The following SPICE1 variants were observed in gnomAD, a reference collection of about 807,000 sequenced individuals.
The protein encoded by SPICE1 is spindle and centriole associated protein 1.
In SPICE1, 75 loss-of-function variants were observed where a neutral mutation model predicts 102.7. The observed-to-expected ratio is 0.73, with a 90% confidence interval of 0.61 to 0.88. The LOEUF is 0.88. Among genes scored for constraint, SPICE1 ranks in the 40% least tolerant of loss-of-function variants. SPICE1 has a pLI of 0.00. For missense variants in SPICE1, 979 were observed against 1,020.1 expected, an observed-to-expected ratio of 0.96 and a Z score of 0.55; for synonymous variants, 308 against 350.3, an observed-to-expected ratio of 0.88 and a Z score of 1.35.
chr3:113,479,258 G>A (rs1936436258), intron 7 of SPICE1, among the ~76,000 whole-genome samples: 1 of 150,814 alleles, frequency 6.6e-6, no homozygotes, highest in East Asian at 2.0e-4. Context: ...AGTTTACTGA[G>A]AATGATGATT....
intron 6 of SPICE1, among the ~76,000 whole-genome samples, 161 bp downstream of exon 6, chr3:113,493,045 C>A (rs1936799363): frequency 6.6e-6 from 1 of 152,204 alleles, no homozygotes; most frequent in Admixed American, 6.5e-5. Context: ...TTGTTTGATA[C>A]AAACATTACT....
chr3:113,463,225 G>T (rs952285473), intron 11 of SPICE1, among the ~76,000 whole-genome samples: 3 of 152,256 alleles, frequency 2.0e-5, no homozygotes, highest in Middle Eastern at 6.8e-3. Context: ...TTTCTTCAAA[G>T]TACATATCAC....
intron 3 of SPICE1, among the ~76,000 whole-genome samples, chr3:113,501,688 G>A (rs923036889): frequency 3.3e-5 from 5 of 152,070 alleles, no homozygotes; most frequent in Non-Finnish European, 7.4e-5. Flanking sequence ...TATCAATTAG[G>A]GAAATGCAAA....
intron 1 of SPICE1, among the ~76,000 whole-genome samples, chr3:113,507,936 A>T (rs1233596226): frequency 6.6e-6 from 1 of 152,202 alleles, no homozygotes; most frequent in Non-Finnish European, 1.5e-5. Context: ...AGTACCATTT[A>T]AAAAGATACA....
chr3:113,476,782 A>G (rs1392992569), intron 7 of SPICE1, among the ~76,000 whole-genome samples: 1 of 149,604 alleles, frequency 6.7e-6, no homozygotes, highest in Non-Finnish European at 1.5e-5. Flanking sequence ...ACAAAAATCA[A>G]TTCAAGATGG....
intron 11 of SPICE1, among the ~76,000 whole-genome samples, chr3:113,465,232 T>C (rs541613481): frequency 2.4e-4 from 37 of 152,288 alleles, no homozygotes; most frequent in African/African-American, 8.9e-4. Flanking sequence ...AAGAGGACTT[T>C]ATGTAACAAA....
intron 6 of SPICE1, among the ~76,000 whole-genome samples, chr3:113,490,337 T>C (rs1291452071): frequency 1.3e-5 from 2 of 152,194 alleles, no homozygotes; most frequent in African/African-American, 4.8e-5. Context: ...CATATTCAAC[T>C]GCCTATAAGA....
At position 113,499,485 on chromosome 3, in the gene SPICE1, G is replaced by A. The variant is rs762009083; in HGVS notation, c.245C>T (p.Pro82Leu). Residue 82 changes from proline (P) to leucine (L), a missense_variant, in exon 4 of 18, where the codon CCA (proline) becomes CTA (leucine). Pro to Leu is a moderately conservative substitution (Grantham distance 98). Transcript: ENST00000295872. ...TCTTTTCTCAAGATTTAAAGTTTCT[G>A]GTTTCTGCTTCCTCCATTTTCTCTT... ...ALKRKWRKQK[P>L]ETLNLEKRRL... 10 of 1,613,132 alleles carry A rather than the reference G, an allele frequency of 6.2e-6. No individual in the cohort carries two copies. Among genetic ancestry groups the A allele is most frequent in the Non-Finnish European group, 8.5e-6 (10 of 1,179,700 alleles).
intron 12 of SPICE1, chr3:113,460,353 C>A: frequency 1.1e-6 from 1 of 902,040 alleles, no homozygotes; most frequent in African/African-American, 1.8e-5. Flanking sequence ...CTAAGGATAA[C>A]ACCAATGGGG....
At chr3:113,474,514 C>G (rs1936289987) in intron 7 of SPICE1, among the ~76,000 whole-genome samples, 1 of 152,160 alleles carries the variant, frequency 6.6e-6, no homozygotes, top group Non-Finnish European at 1.5e-5. Context: ...GACACCTATT[C>G]CAAAATTGAC....
In SPICE1 at chr3:113,453,488, T is replaced by G; in HGVS notation, c.2120A>C (p.Glu707Ala). Reference protein sequence around the residue: ...GDGLRELNKQESASDMTSTFP... With the variant: ...GDGLRELNKQASASDMTSTFP... ...CACAGAAGTCATGTCACTTGCACTTTCTTGTTTGTTCAACTCCCGGAGTCC... is the reference window on the plus strand; with the variant it reads ...CACAGAAGTCATGTCACTTGCACTTGCTTGTTTGTTCAACTCCCGGAGTCC... The change falls in exon 14 of 18, where the codon GAA becomes GCA. Residue 707 changes from glutamate (E) to alanine (A), a missense_variant. Glu to Ala is a moderately radical substitution (Grantham distance 107). Coordinates refer to ENST00000295872, the MANE Select transcript of SPICE1 (RefSeq NM_144718.4). The G allele has an allele frequency of 1.2e-6, 2 of 1,609,354 alleles. No homozygotes were observed. The highest frequency in any genetic ancestry group is 1.7e-6 in the Non-Finnish European group (2 of 1,176,668).
chr3:113,471,826 G>C (rs962600660), intron 7 of SPICE1, among the ~76,000 whole-genome samples: 4 of 152,162 alleles, frequency 2.6e-5, no homozygotes, highest in Non-Finnish European at 4.4e-5. Flanking sequence ...TGGCCGAATA[G>C]GAACAGCTCC....
chr3:113,502,368 TA>T (rs1937024897), intron 3 of SPICE1, among the ~76,000 whole-genome samples: 1 of 152,086 alleles, frequency 6.6e-6, no homozygotes, highest in African/African-American at 2.4e-5. Flanking sequence ...AATATTATGC[TA>T]AGACAAAGAA....
intron 6 of SPICE1, among the ~76,000 whole-genome samples, chr3:113,491,203 G>A (rs1936756056): frequency 6.6e-6 from 1 of 152,162 alleles, no homozygotes; most frequent in South Asian, 2.1e-4. Context: ...TGCATGATCT[G>A]AAATATTACA....
rs934687210 is a variant in SPICE1, at chr3:113,502,732, G to T, written c.147+448C>A. ...AAAAGTAGGATTTGAACTAGGATAA[G>T]GAAGTAAGGTAAGATTTGAACGGGT... On this transcript the variant is annotated intron_variant, in intron 3 of 17. Transcript: ENST00000295872. Among the ~76,000 whole-genome samples, 7 of 149,572 alleles carry T rather than the reference G, an allele frequency of 4.7e-5. 1 individual carries two copies. Among genetic ancestry groups the T allele is most frequent in the Non-Finnish European group, 7.4e-5 (5 of 67,646 alleles).
In SPICE1 at chr3:113,467,353, G is replaced by A. The variant is rs1158785354; in HGVS notation, c.1155+786C>T. Among the ~76,000 whole-genome samples the A allele has an allele frequency of 5.3e-5, 8 of 152,146 alleles. No individual in the cohort carries two copies. The South Asian group carries it at 6.2e-4, about 12-fold the overall frequency. On this transcript the variant is annotated intron_variant, in intron 10 of 17. Transcript: ENST00000295872. ...GCCGCCCAGGCTGGAGTGCAGTGGC[G>A]CGATCTCGGCTCACTGCAACCTCCA...
chr3:113,484,231 C>T (rs1193702480), intron 7 of SPICE1, among the ~76,000 whole-genome samples: 2 of 151,890 alleles, frequency 1.3e-5, no homozygotes, highest in South Asian at 2.1e-4. Context: ...TGGTGATATC[C>T]CCTTTATCAT....
At chr3:113,446,552 C>A (rs1182798570) in intron 17 of SPICE1, 37 bp downstream of exon 17, 1 of 1,472,362 alleles carries the variant, frequency 6.8e-7, no homozygotes, top group Non-Finnish European at 9.5e-7. Flanking sequence ...CTACCCTCAC[C>A]CCTATATGCA....
intron 12 of SPICE1, among the ~76,000 whole-genome samples, chr3:113,458,998 A>C (rs1199607455): frequency 1.3e-5 from 2 of 152,116 alleles, no homozygotes; most frequent in African/African-American, 4.8e-5. Context: ...TGGGGAAAAG[A>C]AAGAGAGATC....
Sources: gnomAD v4.1 joint callset for allele counts (sites outside exome capture counted in the v4.1 genomes callset) on GRCh38, gnomAD v4.1.1 for gene constraint, MANE v1.5 for transcripts, NCBI Gene and HGNC (gene_info 2026-07-23, HGNC 2026-07-21) for gene names.